The following LRP1B variants were observed in gnomAD, a reference collection of about 807,000 sequenced individuals.
The protein encoded by LRP1B is LDL receptor related protein 1B.
In LRP1B, 217 loss-of-function variants were observed where a neutral mutation model predicts 556.6. The ratio of observed to expected loss-of-function variants is 0.39; its 90% CI spans 0.35 to 0.44. LRP1B has a LOEUF of 0.44. LRP1B is among the 20% of genes least tolerant of loss of function. The pLI, the probability that LRP1B is intolerant of heterozygous loss-of-function variation, is 1.00. For missense variants in LRP1B, 5,053 were observed against 5,620.8 expected (o/e 0.90, Z 3.23); for synonymous variants, 2,047 against 1,865.8 (o/e 1.10, Z -2.50).
At chr2:140,987,140 A>C (rs1696950996) in intron 17 of LRP1B, among the ~76,000 whole-genome samples, 1 of 152,104 alleles carries the variant, frequency 6.6e-6, no homozygotes, top group Non-Finnish European at 1.5e-5. Flanking sequence ...TTGACTATGT[A>C]CTTCATTGCT....
At chr2:141,934,234 A>C (rs1401835256) in intron 1 of LRP1B, among the ~76,000 whole-genome samples, 1 of 152,122 alleles carries the variant, frequency 6.6e-6, no homozygotes, top group Non-Finnish European at 1.5e-5. Context: ...TCTAGTAAAA[A>C]AATAGAAAAA....
At chr2:141,967,296 C>A (rs1002272559) in intron 1 of LRP1B, among the ~76,000 whole-genome samples, 1 of 151,844 alleles carries the variant, frequency 6.6e-6, no homozygotes, top group Non-Finnish European at 1.5e-5. Flanking sequence ...CCATAAATCA[C>A]AAGTGCTTTA....
At chr2:142,103,668 C>T (rs962391297) in intron 1 of LRP1B, among the ~76,000 whole-genome samples, 1 of 151,784 alleles carries the variant, frequency 6.6e-6, no homozygotes, top group African/African-American at 2.4e-5. Flanking sequence ...TTTGTCTTTC[C>T]CAAATACCAT....
At chr2:141,221,799 A>G (rs1170079422) in intron 6 of LRP1B, among the ~76,000 whole-genome samples, 3 of 152,228 alleles carry the variant, frequency 2.0e-5, no homozygotes, top group African/African-American at 4.8e-5. Context: ...AACCACATAG[A>G]AATTAAACAA....
intron 63 of LRP1B, among the ~76,000 whole-genome samples, chr2:140,445,626 A>T (rs1686625630): frequency 6.6e-6 from 1 of 152,136 alleles, no homozygotes; most frequent in African/African-American, 2.4e-5. Flanking sequence ...GGGAATAATA[A>T]TAATAAGGCA....
chr2:141,654,907 C>T (rs1458444099), intron 2 of LRP1B, among the ~76,000 whole-genome samples: 4 of 151,980 alleles, frequency 2.6e-5, no homozygotes, highest in Admixed American at 1.3e-4. Context: ...TTATAACAGT[C>T]GGGATAGAAA....
intron 55 of LRP1B, among the ~76,000 whole-genome samples, chr2:140,497,431 A>G (rs994384993): frequency 6.6e-6 from 1 of 151,978 alleles, no homozygotes; most frequent in East Asian, 1.9e-4. Flanking sequence ...GGCATACTTA[A>G]TGCCATTAAC....
At chr2:141,826,838 T>C (rs1696945490) in intron 1 of LRP1B, among the ~76,000 whole-genome samples, 1 of 152,040 alleles carries the variant, frequency 6.6e-6, no homozygotes, top group Admixed American at 6.5e-5. Context: ...AAATATAGAG[T>C]CAAAATTTAC....
intron 66 of LRP1B, among the ~76,000 whole-genome samples, chr2:140,436,068 A>G (rs1302973497): frequency 1.3e-5 from 2 of 152,252 alleles, no homozygotes; most frequent in African/African-American, 4.8e-5. Context: ...AGAGGAAAAG[A>G]TTAAATTTGG....
At chr2:142,076,360 T>C (rs1705501911) in intron 1 of LRP1B, among the ~76,000 whole-genome samples, 1 of 152,120 alleles carries the variant, frequency 6.6e-6, no homozygotes, top group Non-Finnish European at 1.5e-5. Context: ...ACATTAGGCT[T>C]ATCCATTTAG....
intron 2 of LRP1B, among the ~76,000 whole-genome samples, chr2:141,594,205 G>GCCC (rs1021724729): frequency 1.4e-4 from 21 of 152,116 alleles, no homozygotes; most frequent in Non-Finnish European, 1.8e-4. Context: ...TCTTTGCTGA[G>GCCC]AGCTTTCCTT....
intron 2 of LRP1B, among the ~76,000 whole-genome samples, chr2:141,627,877 C>T (rs529236046): frequency 4.6e-5 from 7 of 152,220 alleles, no homozygotes; most frequent in African/African-American, 1.7e-4. Context: ...TGTCGGGAGT[C>T]GGGGAGGTCA....
chr2:141,016,378 A>G (rs1385610669), intron 12 of LRP1B, among the ~76,000 whole-genome samples: 1 of 152,118 alleles, frequency 6.6e-6, no homozygotes, highest in African/African-American at 2.4e-5. Flanking sequence ...TTAATCTCAG[A>G]TGAATTATGA....
At chr2:141,717,422 T>A (rs539709027) in intron 2 of LRP1B, among the ~76,000 whole-genome samples, 1 of 152,316 alleles carries the variant, frequency 6.6e-6, no homozygotes, top group South Asian at 2.1e-4. Context: ...ATTGACTGAT[T>A]CAGTGGCAGA....
chr2:140,970,602 G>GT (rs1696382611), intron 18 of LRP1B, among the ~76,000 whole-genome samples: 1 of 151,006 alleles, frequency 6.6e-6, no homozygotes, highest in South Asian at 2.1e-4. Flanking sequence ...GAAATCACCT[G>GT]TTTTCTGCAT....
At chr2:141,843,186 T>C (rs1424673115) in intron 1 of LRP1B, among the ~76,000 whole-genome samples, 1 of 152,146 alleles carries the variant, frequency 6.6e-6, no homozygotes, top group Non-Finnish European at 1.5e-5. Context: ...TGGCTATATT[T>C]ATAAATGTAC....
At chr2:141,045,585 C>T (rs558744480) in intron 11 of LRP1B, among the ~76,000 whole-genome samples, 2 of 152,052 alleles carry the variant, frequency 1.3e-5, no homozygotes, top group African/African-American at 2.4e-5. Flanking sequence ...TATTTTCTAG[C>T]ACAGTACCCT....
chr2:141,362,670 T>C (rs1688871689), intron 3 of LRP1B, among the ~76,000 whole-genome samples: 1 of 152,204 alleles, frequency 6.6e-6, no homozygotes. Context: ...AATTCTTCCT[T>C]AACAAGTTGT....
chr2:141,026,088 T>G (rs1371838378), intron 11 of LRP1B, among the ~76,000 whole-genome samples: 1 of 152,066 alleles, frequency 6.6e-6, no homozygotes. Flanking sequence ...AAAACAAAGC[T>G]AAAACTGCTT....
Sources: gnomAD v4.1 joint callset for allele counts (sites outside exome capture counted in the v4.1 genomes callset) on GRCh38, gnomAD v4.1.1 for gene constraint, MANE v1.5 for transcripts, NCBI Gene and HGNC (gene_info 2026-07-23, HGNC 2026-07-21) for gene names.